Variants in NPFFR2 observed in about 807,000 individuals in gnomAD.
NPFFR2 encodes the protein neuropeptide FF receptor 2.
NPFFR2 carries 15 observed loss-of-function variants against 13.1 expected under a neutral mutation model. That is an observed-to-expected ratio of 1.15 (90% CI 0.77 to 1.76). The LOEUF is 1.76. NPFFR2 is among the 40% of genes most tolerant of loss of function. The pLI, the probability that NPFFR2 is intolerant of heterozygous loss-of-function variation, is 0.00. For synonymous variants in NPFFR2, 190 were observed against 175.7 expected (o/e 1.08, Z -0.65); for missense variants, 572 against 503.5 (o/e 1.14, Z -1.30).
At chr4:72,073,544 TTTTG>T (rs1460786218) in intron 1 of NPFFR2, among the ~76,000 whole-genome samples, 1 of 152,044 alleles carries the variant, frequency 6.6e-6, no homozygotes, top group Non-Finnish European at 1.5e-5. Context: ...TGATTCTACT[TTTTG>T]TTCTCTACTC....
chr4:72,077,388 A>G (rs903276430), intron 1 of NPFFR2, among the ~76,000 whole-genome samples: 9 of 152,282 alleles, frequency 5.9e-5, no homozygotes, highest in Admixed American at 4.6e-4. Flanking sequence ...TTAGCTGCCA[A>G]ATCTAATGAA....
chr4:72,088,679 G>GGA (rs942686431), intron 1 of NPFFR2, among the ~76,000 whole-genome samples: 7 of 151,758 alleles, frequency 4.6e-5, no homozygotes, highest in Non-Finnish European at 5.9e-5. Context: ...CATGGCAGCA[G>GGA]GAGAGAGAGA....
chr4:72,118,306 T>C (rs1003930228), intron 1 of NPFFR2, among the ~76,000 whole-genome samples: 1 of 152,220 alleles, frequency 6.6e-6, no homozygotes, highest in Non-Finnish European at 1.5e-5. Flanking sequence ...CATATAAAAA[T>C]GCTTAGCACT....
At position 72,068,838 on chromosome 4, in the gene NPFFR2, GTTT is replaced by G. The variant is rs35549647; in HGVS notation, c.-8+36651_-8+36653del. The G allele has an allele frequency of 6.5e-3, 2,063 of 316,678 alleles. 36 individuals carry two copies. The highest frequency in any genetic ancestry group is 0.042 in the African/African-American group (1,763 of 42,188). The allele number at this position is 316,678 out of a possible 1,614,324, so 19.6% of individuals were successfully genotyped here. A position where few individuals can be genotyped will look rare whatever the true frequency, so the allele number is the denominator to read the frequency against. On this transcript the variant is annotated intron_variant, in intron 1 of 3. Transcript: ENST00000308744. ...AGAATATGAATGCCTGAGGTTCTTA[GTTT>G]TTTTTTTTTTTTATCTTATCTTTTT...
intron 1 of NPFFR2, among the ~76,000 whole-genome samples, chr4:72,114,258 C>T (rs72857404): frequency 0.031 from 4,721 of 152,060 alleles, 238 homozygotes; most frequent in African/African-American, 0.11. Flanking sequence ...ATCCCTATTC[C>T]AGCTGCCCAG....
At chr4:72,124,533 G>A (rs376139444) in intron 1 of NPFFR2, among the ~76,000 whole-genome samples, 56 of 152,110 alleles carry the variant, frequency 3.7e-4, no homozygotes, top group African/African-American at 1.1e-3. Flanking sequence ...GTTACAGTAC[G>A]GTTTGGTACC....
chr4:72,090,894 GT>G (rs1314755182), intron 1 of NPFFR2, among the ~76,000 whole-genome samples: 1 of 152,072 alleles, frequency 6.6e-6, no homozygotes, highest in Non-Finnish European at 1.5e-5. Flanking sequence ...TCCTTGTCTT[GT>G]TTCAGTTCTC....
At chr4:72,067,831 A>G (rs1720117872) in intron 1 of NPFFR2, among the ~76,000 whole-genome samples, 2 of 152,176 alleles carry the variant, frequency 1.3e-5, no homozygotes, top group South Asian at 2.1e-4. Context: ...ACAGTTTCCA[A>G]TACCTTGTTT....
intron 1 of NPFFR2, among the ~76,000 whole-genome samples, chr4:72,127,355 CTTTTCTTTTTTTT>C (rs1247080118): frequency 4.4e-5 from 4 of 91,208 alleles, no homozygotes; most frequent in African/African-American, 1.8e-4. Context: ...TAAATAATTT[CTTTTCTTTTTTTT>C]TTTTTTTTTT....
At chr4:72,095,157 A>T (rs1227329672) in intron 1 of NPFFR2, among the ~76,000 whole-genome samples, 1 of 152,202 alleles carries the variant, frequency 6.6e-6, no homozygotes, top group Non-Finnish European at 1.5e-5. Context: ...TTTCAGAAGG[A>T]TAGTAAGAAG....
intron 3 of NPFFR2, among the ~76,000 whole-genome samples, chr4:72,144,895 A>T (rs1722729277): frequency 6.6e-6 from 1 of 152,176 alleles, no homozygotes; most frequent in Non-Finnish European, 1.5e-5. Context: ...CACTTGGAAT[A>T]CTGAGATTGT....
intron 1 of NPFFR2, chr4:72,069,049 C>T (rs1260663327): frequency 3.5e-6 from 3 of 852,720 alleles, no homozygotes; most frequent in African/African-American, 1.8e-5. Context: ...TTATTTTGAT[C>T]TTTTGAAAAA....
rs141328302 is a variant in NPFFR2 at position 72,135,557 on chromosome 4, A to G, written c.329-2483A>G. ...ATTTTGAGTTATTTTTATTTTCTGC[A>G]TATTTCTGTAGTTCCCACCATGATA... is the stretch of plus-strand genomic sequence containing the variant. On this transcript the variant is annotated intron_variant, in intron 2 of 3. Coordinates refer to ENST00000308744, the MANE Select transcript of NPFFR2 (RefSeq NM_004885.3). Among the ~76,000 whole-genome samples, 49 of 151,938 alleles carry G rather than the reference A, an allele frequency of 3.2e-4. No individual in the cohort carries two copies. The East Asian group carries it at 7.2e-3, about 22-fold the overall frequency.
At chr4:72,102,469 T>C (rs1304550193) in intron 1 of NPFFR2, among the ~76,000 whole-genome samples, 1 of 151,964 alleles carries the variant, frequency 6.6e-6, no homozygotes, top group African/African-American at 2.4e-5. Flanking sequence ...GTTGGTGTGC[T>C]GCACCCATTA....
At chr4:72,138,490 C>G (rs1228491484) in intron 3 of NPFFR2, among the ~76,000 whole-genome samples, 3 of 151,534 alleles carry the variant, frequency 2.0e-5, no homozygotes, top group Non-Finnish European at 2.9e-5. Context: ...CTATTCCCAC[C>G]TATGAGTGAG....
At chr4:72,135,427 T>TA (rs1194132409) in intron 2 of NPFFR2, among the ~76,000 whole-genome samples, 1 of 152,112 alleles carries the variant, frequency 6.6e-6, no homozygotes, top group African/African-American at 2.4e-5. Context: ...TTCATCTTTT[T>TA]ACTTTAATTT....
intron 1 of NPFFR2, among the ~76,000 whole-genome samples, chr4:72,099,734 A>G (rs961184838): frequency 6.6e-6 from 1 of 152,172 alleles, no homozygotes; most frequent in Non-Finnish European, 1.5e-5. Context: ...TCAACATGAT[A>G]TTTCAAAGGA....
At chr4:72,127,360 C>CTTT (rs1186710740) in intron 1 of NPFFR2, among the ~76,000 whole-genome samples, 4 of 66,912 alleles carry the variant, frequency 6.0e-5, no homozygotes, top group East Asian at 4.4e-4. Flanking sequence ...AATTTCTTTT[C>CTTT]TTTTTTTTTT....
chr4:72,108,844 T>C (rs1221721886), intron 1 of NPFFR2, among the ~76,000 whole-genome samples: 1 of 152,012 alleles, frequency 6.6e-6, no homozygotes, highest in East Asian at 1.9e-4. Context: ...AACAATGCAA[T>C]GTTTATAAGG....
Sources: gnomAD v4.1 joint callset for allele counts (sites outside exome capture counted in the v4.1 genomes callset) on GRCh38, gnomAD v4.1.1 for gene constraint, MANE v1.5 for transcripts, NCBI Gene and HGNC (gene_info 2026-07-23, HGNC 2026-07-21) for gene names.